The following FBLN2 variants were observed in gnomAD, a reference collection of about 807,000 sequenced individuals.
The protein encoded by FBLN2 is fibulin 2, also known as fibulin-2.
In FBLN2, 81 loss-of-function variants were observed where a neutral mutation model predicts 123.7. The ratio of observed to expected loss-of-function variants is 0.65; its 90% confidence interval spans 0.55 to 0.79. FBLN2 has a LOEUF of 0.79. Among genes scored for constraint, FBLN2 ranks in the 30% least tolerant of loss-of-function variants. FBLN2 has a pLI of 0.00. For synonymous variants in FBLN2, 699 were observed against 701.4 expected (o/e 1.00, Z 0.05); for missense variants, 1,603 against 1,681.3 (o/e 0.95, Z 0.81).
intron 3 of FBLN2, among the ~76,000 whole-genome samples, chr3:13,608,535 C>G (rs1412307510): frequency 6.6e-6 from 1 of 152,236 alleles, no homozygotes; most frequent in Non-Finnish European, 1.5e-5. Flanking sequence ...CTCAGGCTTT[C>G]TCTCCTCTGC....
chr3:13,617,618 T>C (rs371790087), intron 5 of FBLN2, among the ~76,000 whole-genome samples: 6 of 80,376 alleles, frequency 7.5e-5, no homozygotes, highest in African/African-American at 1.6e-4. Flanking sequence ...CATCCATCCA[T>C]CCACCCATCC....
intron 2 of FBLN2, among the ~76,000 whole-genome samples, chr3:13,574,170 C>T (rs1199826576): frequency 6.6e-6 from 1 of 152,206 alleles, no homozygotes; most frequent in Non-Finnish European, 1.5e-5. Context: ...TTTAGGGTTT[C>T]CCTGTTAGCC....
chr3:13,616,735 A>G (rs1041258102), intron 5 of FBLN2, among the ~76,000 whole-genome samples: 1 of 152,098 alleles, frequency 6.6e-6, no homozygotes, highest in Non-Finnish European at 1.5e-5. Context: ...TGCTTTCCCC[A>G]CAGTTGTCAT....
intron 4 of FBLN2, 185 bp from the exon 5 acceptor site, chr3:13,613,799 C>G: frequency 1.8e-6 from 1 of 559,734 alleles, no homozygotes; most frequent in South Asian, 3.0e-5. Context: ...AAAAGACTTA[C>G]ATTAGTCCTA....
chr3:13,549,235 G>T, intron 1 of FBLN2, 27 bp downstream of exon 1: 6 of 982,966 alleles, frequency 6.1e-6, no homozygotes, highest in Non-Finnish European at 7.2e-6. Context: ...CCTCCCGCCC[G>T]GACTCATCCC....
intron 16 of FBLN2, among the ~76,000 whole-genome samples, chr3:13,633,804 G>T (rs1249788474): frequency 3.3e-5 from 5 of 152,200 alleles, no homozygotes; most frequent in Admixed American, 2.6e-4. Flanking sequence ...GGCCCTATCT[G>T]TCCGGCTCAC....
At chr3:13,578,691 A>G (rs1395621586) in intron 2 of FBLN2, among the ~76,000 whole-genome samples, 2 of 152,152 alleles carry the variant, frequency 1.3e-5, no homozygotes, top group African/African-American at 2.4e-5. Flanking sequence ...GTTTTCATTC[A>G]TCTTGGGAAC....
At chr3:13,628,770 C>G (rs2124906510) in intron 11 of FBLN2, 135 bp from the exon 12 acceptor site, 1 of 1,018,994 alleles carries the variant, frequency 9.8e-7, no homozygotes, top group South Asian at 1.7e-5. Context: ...AGGGGTAGGA[C>G]AGTCTGGCCC....
rs1483852223 is a variant in FBLN2, at chr3:13,617,836, CTACCCATCCATCTA to C, written c.1730-230_1730-217del. On this transcript the variant is annotated intron_variant, in intron 5 of 17. Transcript: ENST00000404922. ...CTCACCCATCCATCCACCCATCCAT[CTACCCATCCATCTA>C]TACCCATCCGTCTATCTATTTACCT... is the stretch of plus-strand genomic sequence containing the variant. Among the ~76,000 whole-genome samples, 158 of 148,236 alleles carry C rather than the reference CTACCCATCCATCTA, an allele frequency of 1.1e-3. 1 individual carries two copies. Among genetic ancestry groups the C allele is most frequent in the African/African-American group, 3.6e-3 (145 of 40,178 alleles).
At chr3:13,600,032 AGAGAGAGAGAGAGC>A (rs1168064237) in intron 2 of FBLN2, among the ~76,000 whole-genome samples, 1 of 148,106 alleles carries the variant, frequency 6.8e-6, no homozygotes, top group Non-Finnish European at 1.5e-5. Flanking sequence ...AGAGAGAGAG[AGAGAGAGAGAGAGC>A]GAGAGAGAGA....
chr3:13,554,169 A>G (rs1426204950), intron 1 of FBLN2, among the ~76,000 whole-genome samples: 1 of 152,176 alleles, frequency 6.6e-6, no homozygotes, highest in African/African-American at 2.4e-5. Context: ...CCCCAGGCCC[A>G]CTCTGGGGAG....
intron 1 of FBLN2, among the ~76,000 whole-genome samples, chr3:13,562,945 G>C (rs1437373875): frequency 6.6e-6 from 1 of 152,178 alleles, no homozygotes; most frequent in Non-Finnish European, 1.5e-5. Context: ...CATCTGTGTT[G>C]CAGCACGGGT....
intron 2 of FBLN2, among the ~76,000 whole-genome samples, chr3:13,596,987 G>A (rs778394954): frequency 1.1e-4 from 17 of 151,550 alleles, no homozygotes; most frequent in Non-Finnish European, 1.8e-4. Context: ...GCTGAAGTGC[G>A]GTGGCACGAT....
intron 3 of FBLN2, among the ~76,000 whole-genome samples, chr3:13,609,078 G>A (rs536095551): frequency 2.0e-5 from 3 of 152,272 alleles, no homozygotes; most frequent in South Asian, 4.1e-4. Context: ...AATCCCCGCC[G>A]CCCTGTCCTG....
chr3:13,571,670 C>T lies in FBLN2; in HGVS notation c.1306+9C>T, dbSNP rs1369050386. ...CAGAAGTAGCCCTGAAGGTAAGACC[C>T]TGTCCTGGTTCCTTCAGGGCACTTT... is the stretch of plus-strand genomic sequence containing the variant. On this transcript the variant is annotated intron_variant, in intron 2 of 17. Coordinates refer to ENST00000404922, the MANE Select transcript of FBLN2 (RefSeq NM_001004019.2). The T allele has an allele frequency of 3.2e-6, 5 of 1,568,016 alleles. No individual in the cohort carries two copies. The highest frequency in any genetic ancestry group is 4.3e-6 in the Non-Finnish European group (5 of 1,156,802).
intron 2 of FBLN2, among the ~76,000 whole-genome samples, chr3:13,588,923 A>G (rs1334944868): frequency 6.7e-6 from 1 of 149,818 alleles, no homozygotes; most frequent in Non-Finnish European, 1.5e-5. Context: ...TATAAGATTC[A>G]TCTATAAGTA....
intron 2 of FBLN2, among the ~76,000 whole-genome samples, chr3:13,587,461 G>A (rs1704545715): frequency 6.6e-6 from 1 of 152,162 alleles, no homozygotes; most frequent in African/African-American, 2.4e-5. Context: ...CACTCATTGA[G>A]TCACCCACGG....
At chr3:13,604,639 G>A (rs74346768) in intron 2 of FBLN2, among the ~76,000 whole-genome samples, 2,159 of 152,248 alleles carry the variant, frequency 0.014, 55 homozygotes, top group African/African-American at 0.049. Context: ...AGCATGGCCC[G>A]TGGGCATTAT....
At chr3:13,569,696 G>T (rs1703860853) in intron 1 of FBLN2, among the ~76,000 whole-genome samples, 1 of 152,026 alleles carries the variant, frequency 6.6e-6, no homozygotes, top group South Asian at 2.1e-4. Context: ...TAGGGTCTGC[G>T]GGCTGGGGCT....
Sources: gnomAD v4.1 joint callset for allele counts (sites outside exome capture counted in the v4.1 genomes callset) on GRCh38, gnomAD v4.1.1 for gene constraint, MANE v1.5 for transcripts, NCBI Gene and HGNC (gene_info 2026-07-23, HGNC 2026-07-21) for gene names.